Variants in PCSK5 observed in about 807,000 individuals in gnomAD.
PCSK5 encodes prohormone convertase 5.
A neutral mutation model predicts 233.2 loss-of-function variants in PCSK5; 129 were observed. That is an observed-to-expected ratio of 0.55 (90% CI 0.48 to 0.64). PCSK5 has a LOEUF of 0.64. PCSK5 is among the 30% of genes least tolerant of loss of function. The pLI is 0.00. For missense variants in PCSK5, 2,076 were observed against 2,430.1 expected (o/e 0.85, Z 3.06); for synonymous variants, 825 against 879.2 (o/e 0.94, Z 1.09).
At chr9:76,334,602 G>A (rs1184408083) in intron 34 of PCSK5, among the ~76,000 whole-genome samples, 6 of 152,252 alleles carry the variant, frequency 3.9e-5, no homozygotes, top group Admixed American at 6.5e-5. Flanking sequence ...ATGGTGGCAC[G>A]TGCCTGTCAT....
At chr9:76,317,297 A>G (rs1327417655) in intron 30 of PCSK5, among the ~76,000 whole-genome samples, 1 of 152,204 alleles carries the variant, frequency 6.6e-6, no homozygotes, top group Non-Finnish European at 1.5e-5. Flanking sequence ...CAGGAGGTAG[A>G]GGTTGCAGTG....
At chr9:76,045,349 T>C (rs1318925796) in intron 5 of PCSK5, among the ~76,000 whole-genome samples, 1 of 152,210 alleles carries the variant, frequency 6.6e-6, no homozygotes, top group African/African-American at 2.4e-5. Flanking sequence ...AACATTCTTA[T>C]TCAAAAATTT....
chr9:75,986,380 G>C (rs191602167), intron 3 of PCSK5, 135 bp downstream of exon 3: 1 of 603,040 alleles, frequency 1.7e-6, no homozygotes, highest in East Asian at 2.8e-5. Flanking sequence ...CACCATTTGA[G>C]ATTGGTTAAT....
At chr9:75,957,287 C>T (rs546194796) in intron 2 of PCSK5, among the ~76,000 whole-genome samples, 112 of 152,268 alleles carry the variant, frequency 7.4e-4, no homozygotes, top group African/African-American at 2.5e-3. Context: ...CTACTCTTGG[C>T]TTCTCAGGGT....
At position 76,087,288 on chromosome 9, in the gene PCSK5, T is replaced by C. The variant is rs574506152; in HGVS notation, c.895-8602T>C. Among the ~76,000 whole-genome samples, 5 of 152,376 alleles carry C rather than the reference T, an allele frequency of 3.3e-5. No homozygotes were observed. The South Asian group carries it at 6.2e-4, about 19-fold the overall frequency. On this transcript the variant is annotated intron_variant, in intron 7 of 37. Coordinates refer to ENST00000674117, the MANE Select transcript of PCSK5 (RefSeq NM_001372043.1). ...TTGATGTTCTACCAAATTTATATTCTAGCAGATATGGTGGATAAGTAACTC... is the reference window on the plus strand; with the variant it reads ...TTGATGTTCTACCAAATTTATATTCCAGCAGATATGGTGGATAAGTAACTC...
chr9:75,898,698 A>G (rs140485857), intron 1 of PCSK5, among the ~76,000 whole-genome samples: 1 of 151,292 alleles, frequency 6.6e-6, no homozygotes, highest in African/African-American at 2.4e-5. Flanking sequence ...ATCAGGTTTT[A>G]TAGGCCCTAA....
At chr9:76,190,627 T>G (rs1441098625) in intron 20 of PCSK5, among the ~76,000 whole-genome samples, 1 of 152,180 alleles carries the variant, frequency 6.6e-6, no homozygotes, top group African/African-American at 2.4e-5. Context: ...ATTATTTGGA[T>G]TGTTTATAAT....
At chr9:75,912,566 G>A (rs569823059) in intron 1 of PCSK5, among the ~76,000 whole-genome samples, 9 of 152,146 alleles carry the variant, frequency 5.9e-5, no homozygotes, top group Non-Finnish European at 1.2e-4. Flanking sequence ...GCTGCTTGTG[G>A]TCCTGAAACA....
chr9:76,312,237 G>A (rs986690836), intron 30 of PCSK5, among the ~76,000 whole-genome samples: 11 of 152,136 alleles, frequency 7.2e-5, no homozygotes, highest in African/African-American at 1.9e-4. Flanking sequence ...CTGGCTGGGC[G>A]TGGTGGCTCA....
chr9:75,894,791 C>T (rs550591586), intron 1 of PCSK5, among the ~76,000 whole-genome samples: 10 of 152,244 alleles, frequency 6.6e-5, no homozygotes, highest in African/African-American at 2.4e-4. Context: ...AGCCTTTGTC[C>T]TCCCTCACTA....
intron 7 of PCSK5, among the ~76,000 whole-genome samples, chr9:76,085,283 C>G (rs756766019): frequency 3.0e-4 from 45 of 152,306 alleles, no homozygotes; most frequent in Non-Finnish European, 5.9e-4. Flanking sequence ...CTGAACCCTG[C>G]TGTTTGTTCT....
At chr9:75,982,421 C>A (rs370740100) in intron 2 of PCSK5, among the ~76,000 whole-genome samples, 3 of 152,226 alleles carry the variant, frequency 2.0e-5, no homozygotes, top group African/African-American at 7.2e-5. Flanking sequence ...TTCCCCTCAC[C>A]ATTATGTGAG....
chr9:76,263,032 C>T (rs1261663478), intron 24 of PCSK5, among the ~76,000 whole-genome samples: 2 of 152,076 alleles, frequency 1.3e-5, no homozygotes, highest in Non-Finnish European at 2.9e-5. Context: ...AAAAAATGCT[C>T]ACCTTCACTG....
At chr9:76,075,876 AG>A in intron 7 of PCSK5, among the ~76,000 whole-genome samples, 1 of 152,222 alleles carries the variant, frequency 6.6e-6, no homozygotes, top group African/African-American at 2.4e-5. Context: ...TATATGCTGT[AG>A]ATAAAGGGGT....
chr9:75,926,823 TTTTATAC>T (rs1273691952), intron 1 of PCSK5, among the ~76,000 whole-genome samples: 2 of 152,242 alleles, frequency 1.3e-5, no homozygotes, highest in African/African-American at 4.8e-5. Flanking sequence ...TTATATTCTA[TTTTATAC>T]TTTATGAAAA....
chr9:75,979,524 A>G (rs536591208), intron 2 of PCSK5, among the ~76,000 whole-genome samples: 11 of 152,274 alleles, frequency 7.2e-5, no homozygotes, highest in African/African-American at 2.6e-4. Flanking sequence ...TTCTGCTTCC[A>G]TGATTTGAGT....
chr9:76,164,722 G>C (rs773369132), intron 12 of PCSK5, among the ~76,000 whole-genome samples: 1 of 152,162 alleles, frequency 6.6e-6, no homozygotes, highest in African/African-American at 2.4e-5. Flanking sequence ...TATTACTTTT[G>C]TGTCATCAAA....
chr9:76,083,608 T>C (rs939104258), intron 7 of PCSK5, among the ~76,000 whole-genome samples: 1 of 152,234 alleles, frequency 6.6e-6, no homozygotes, highest in Non-Finnish European at 1.5e-5. Context: ...TAGACATCCA[T>C]TGGCGTATGT....
rs549038345 is a variant in PCSK5, at chr9:76,031,569, G to T, written c.632+4532G>T. Among the ~76,000 whole-genome samples, 201 of 152,204 alleles carry T rather than the reference G, an allele frequency of 1.3e-3. No homozygotes were observed. In the Middle Eastern group the frequency reaches 0.017, roughly 13 times the overall value. On this transcript the variant is annotated intron_variant, in intron 5 of 37. Transcript: ENST00000674117. The stretch of plus-strand genomic sequence containing the variant: ...CCAGGTGTGGTGGCATGCACCTGTG[G>T]TCCCAGAAACTTGGGAGGCTGAGAT...
Sources: gnomAD v4.1 joint callset for allele counts (sites outside exome capture counted in the v4.1 genomes callset) on GRCh38, gnomAD v4.1.1 for gene constraint, MANE v1.5 for transcripts, NCBI Gene and HGNC (gene_info 2026-07-23, HGNC 2026-07-21) for gene names.